Variants in ENTPD2 observed in about 807,000 individuals in gnomAD.
The protein encoded by ENTPD2 is CD39 antigen-like 1.
Under a neutral mutation model 46.8 loss-of-function variants are expected in ENTPD2, and 48 were observed. The ratio of observed to expected loss-of-function variants is 1.03; its 90% CI spans 0.81 to 1.30. The LOEUF is 1.30. ENTPD2 is among the 50% of genes most tolerant of loss of function. ENTPD2 has a pLI of 0.00. For missense variants in ENTPD2, 707 were observed against 651.1 expected, an observed-to-expected ratio of 1.09 and a Z score of -0.93; for synonymous variants, 316 against 286.1, an observed-to-expected ratio of 1.10 and a Z score of -1.06.
rs377411787 is a variant in ENTPD2, at chr9:137,049,933, G to C, written c.1086C>G (p.Pro362=). ...VDFLRTSMGL[P]VATLQQLEAA... ...CCTCCAGCTGCTGCAGGGTGGCCAC[G>C]GGCAGCCCCATCGAAGTCCGCAAAA... Residue 362 remains proline (P), a synonymous_variant, in exon 7 of 9, where the codon CCC becomes CCG. Transcript: ENST00000355097. The C allele has an allele frequency of 2.5e-6, 4 of 1,612,420 alleles. No individual in the cohort carries two copies. Among genetic ancestry groups the C allele is most frequent in the African/African-American group, 1.3e-5 (1 of 74,912 alleles).
At chr9:137,051,805 A>G (rs1832304402) in intron 2 of ENTPD2, 145 bp from the exon 3 acceptor site, 1 of 1,304,758 alleles carries the variant, frequency 7.7e-7, no homozygotes, top group Non-Finnish European at 1.0e-6. Context: ...AGAAACGCCC[A>G]GGTTGGAGAC....
In ENTPD2 at chr9:137,048,943, T is replaced by A. The variant is rs758385044; in HGVS notation, c.1282A>T (p.Lys428Ter). ...CGCCCCGCCCCGCCCCAGCCCACCT[T>A]CTTCTGGAAGATCACGCCGCCGAAG... The part of the protein sequence containing the change: ...RAFGGVIFQK[K>*]AADTAVGWAL... Residue 428 changes from lysine (K) to a stop codon, truncating the protein, a stop_gained and splice_region_variant, in exon 8 of 9, where the codon AAG becomes TAG. Transcript: ENST00000355097. LOFTEE classifies it low-confidence loss of function (END_TRUNC). 152 of 1,479,684 alleles carry A rather than the reference T, an allele frequency of 1.0e-4. 1 individual carries two copies. Among genetic ancestry groups the A allele is most frequent in the Non-Finnish European group, 1.4e-4 (149 of 1,097,994 alleles). 91.7% of individuals were successfully genotyped at this position (1,479,684 alleles called of 1,614,324 possible).
Position 137,048,673 on chromosome 9 carries a change from A to G in ENTPD2, c.1472T>C (p.Leu491Pro), listed in dbSNP as rs951121034. 5.6e-6 allele frequency: 9 copies of G among 1,597,842 alleles called. No homozygotes were observed. Among genetic ancestry groups the G allele is most frequent in the Non-Finnish European group, 6.8e-6 (8 of 1,173,502 alleles). The stretch of plus-strand genomic sequence containing the variant: ...CGTCGGCCCCTAAATGGTGCTTGGC[A>G]GCTTGGCGGAGTGCACCTGACGCAG... ...LLLRQVHSAKLPSTI is the reference protein window; with the variant it reads ...LLLRQVHSAKPPSTI The change falls in exon 9 of 9, where the codon CTG (leucine) becomes CCG (proline). Residue 491 changes from leucine to proline, a missense_variant. Coordinates refer to ENST00000355097, the MANE Select transcript of ENTPD2 (RefSeq NM_203468.3).
In ENTPD2 at chr9:137,051,114, G is replaced by A. The variant is rs770323046; in HGVS notation, c.562C>T (p.Arg188Trp). ...GTCCCCTTCCGTGGCCGGAACCACC[G>A]GCCCACCCAGCCGTACTGTGGAGAG... ...ENFIKYGWVGRWFRPRKGTLG... is the reference protein window; with the variant it reads ...ENFIKYGWVGWWFRPRKGTLG... Residue 188 changes from arginine to tryptophan, a missense_variant, in exon 5 of 9, where the codon CGG (arginine) becomes TGG (tryptophan). By Grantham distance (101) the Arg-to-Trp change is moderately radical. Transcript: ENST00000355097. The A allele has an allele frequency of 8.1e-6, 13 of 1,612,666 alleles. No homozygotes were observed. The highest frequency in any genetic ancestry group is 5.0e-5 in the Admixed American group (3 of 60,002).
intron 1 of ENTPD2, chr9:137,052,604 C>T: frequency 5.6e-6 from 2 of 358,038 alleles, no homozygotes; most frequent in South Asian, 4.0e-5. Flanking sequence ...TGGGCAGCAG[C>T]CTTCCTGGCA....
chr9:137,050,949 A>G lies in ENTPD2; in HGVS notation c.727T>C (p.Tyr243His). 1 of 1,612,648 alleles carries G rather than the reference A, an allele frequency of 6.2e-7. No homozygotes were observed. The highest frequency in any genetic ancestry group is 1.1e-5 in the South Asian group (1 of 91,082). ...CTCTGGAGGACCTGGTCACGGCCAT[A>G]GCAGAGGAAGCTGTGGGTGTAGACT... ...YRVYTHSFLC[Y>H]GRDQVLQRLL... The change falls in exon 5 of 9, where the codon TAT becomes CAT. Residue 243 changes from tyrosine (Y) to histidine (H), a missense_variant. By Grantham distance (83) the Tyr-to-His change is moderately conservative. Transcript: ENST00000355097.
At position 137,051,758 on chromosome 9, in the gene ENTPD2, C is replaced by T. The variant is rs970789533; in HGVS notation, c.236-98G>A. On this transcript the variant is annotated intron_variant, in intron 2 of 8. Transcript: ENST00000355097. Reference sequence around the variant, plus strand: ...GGGTGGGGGTGGGGGCCGTGGGCTCCCAGACCAGGTGGCACACCTTCCCTG... The same window carrying T: ...GGGTGGGGGTGGGGGCCGTGGGCTCTCAGACCAGGTGGCACACCTTCCCTG... The T allele has an allele frequency of 2.6e-5, 38 of 1,452,174 alleles. No individual in the cohort carries two copies. The African/African-American group carries it at 4.3e-4, about 16-fold the overall frequency. 90.0% of individuals were successfully genotyped at this position (1,452,174 alleles called of 1,614,324 possible).
chr9:137,051,595 C>G lies in ENTPD2; in HGVS notation c.301G>C (p.Glu101Gln), dbSNP rs150545300. The G allele has an allele frequency of 1.9e-6, 3 of 1,612,756 alleles. No individual in the cohort carries two copies. The highest frequency in any genetic ancestry group is 1.7e-6 in the Non-Finnish European group (2 of 1,179,926). The change falls in exon 3 of 9, where the codon GAA (glutamate) becomes CAA (glutamine). Residue 101 changes from glutamate (E) to glutamine (Q), a missense_variant. By Grantham distance (29) the Glu-to-Gln change is conservative. Coordinates refer to ENST00000355097, the MANE Select transcript of ENTPD2 (RefSeq NM_203468.3). ...GASQSLVGCL[E>Q]QALQDVPKER... ...TTGGGCACATCCTGAAGCGCCTGTT[C>G]GAGGCATCCAACAAGACTCTGGCTG...
chr9:137,049,405 G>A (rs1564251290), intron 7 of ENTPD2: 12 of 580,186 alleles, frequency 2.1e-5, no homozygotes, highest in Middle Eastern at 4.3e-4. Context: ...GAGTCTGCCC[G>A]CTGGCTCGCC....
At chr9:137,052,429 C>G in intron 1 of ENTPD2, 81 bp from the exon 2 acceptor site, 1 of 1,184,144 alleles carries the variant, frequency 8.4e-7, no homozygotes, top group Non-Finnish European at 1.2e-6. Context: ...TTGGGTTCCT[C>G]CAGTTTGCCA....
chr9:137,049,252 C>A, intron 7 of ENTPD2, 177 bp from the exon 8 acceptor site: 1 of 1,071,020 alleles, frequency 9.3e-7, no homozygotes. Flanking sequence ...GGGGCACCCC[C>A]GGCAGGGCAC....
At chr9:137,051,188 C>T in intron 4 of ENTPD2, 23 bp downstream of exon 4, 1 of 1,612,026 alleles carries the variant, frequency 6.2e-7, no homozygotes, top group East Asian at 2.2e-5. Context: ...CCCCCTGGCT[C>T]TTTGGCTGGC....
rs554571357 is a variant in ENTPD2 at position 137,052,358 on chromosome 9, AG to A, written c.118-11del. ...CCAGGACGATGCCATACTGCGGGGG[AG>A]GGGGAGGGAGTCAGCCTGGGGTGTC... is the stretch of plus-strand genomic sequence containing the variant. On this transcript the variant is annotated splice_polypyrimidine_tract_variant and intron_variant, in intron 1 of 8. Coordinates refer to ENST00000355097, the MANE Select transcript of ENTPD2 (RefSeq NM_203468.3). The A allele has an allele frequency of 1.2e-4, 109 of 906,518 alleles. 4 individuals carry two copies. In the Admixed American group the frequency reaches 1.7e-3, roughly 14 times the overall value. 56.2% of individuals were successfully genotyped at this position (906,518 alleles called of 1,614,324 possible).
rs1432584512 is a variant in ENTPD2 at position 137,048,636 on chromosome 9, G to A, written c.*21C>T. On this transcript the variant is annotated 3_prime_UTR_variant, in exon 9 of 9. Coordinates refer to ENST00000355097, the MANE Select transcript of ENTPD2 (RefSeq NM_203468.3). ...GATACAGGGGTTGGGGGAGGGATGG[G>A]GCAGCTGCCCCCGTCGGCCCCTAAA... 1.3e-6 allele frequency: 2 copies of A among 1,547,232 alleles called. No homozygotes were observed. The highest frequency in any genetic ancestry group is 2.7e-5 in the African/African-American group (2 of 73,268).
rs756748898 is a variant in ENTPD2 at position 137,048,976 on chromosome 9, C to T, written c.1249G>A (p.Glu417Lys). The change falls in exon 8 of 9, where the codon GAG (glutamate) becomes AAG (lysine). Residue 417 changes from glutamate to lysine, a missense_variant. Transcript: ENST00000355097. ...QLLSRGYGFD[E>K]RAFGGVIFQK... ...AAGATCACGCCGCCGAAGGCGCGCT[C>T]GTCGAAGCCGTAGCCGCGACTCAGC... The T allele has an allele frequency of 3.3e-6, 5 of 1,536,238 alleles. No individual in the cohort carries two copies. The highest frequency in any genetic ancestry group is 2.5e-5 in the East Asian group (1 of 40,540).
At position 137,052,541 on chromosome 9, in the gene ENTPD2, G is replaced by A. The variant is rs538520078; in HGVS notation, c.118-193C>T. The A allele has an allele frequency of 5.7e-6, 3 of 525,462 alleles. No homozygotes were observed. The South Asian group carries it at 7.1e-5, about 12-fold the overall frequency. 32.5% of individuals were successfully genotyped at this position (525,462 alleles called of 1,614,324 possible). On this transcript the variant is annotated intron_variant, in intron 1 of 8. Coordinates refer to ENST00000355097, the MANE Select transcript of ENTPD2 (RefSeq NM_203468.3). ...GTGGTTGGAAGGAGAACAGGGAGGT[G>A]GTGGGGAGGTGACTCTTCCCTCCTG...
intron 8 of ENTPD2, 23 bp downstream of exon 8, chr9:137,048,918 C>CGCCCCGCCCCGCCCCA: frequency 6.7e-7 from 1 of 1,488,166 alleles, no homozygotes; most frequent in Non-Finnish European, 8.9e-7. Context: ...AGGTCGGCCC[C>CGCCCCGCCCCGCCCCA]GCCCCGCCCC....
chr9:137,051,759 C>T, intron 2 of ENTPD2, 99 bp from the exon 3 acceptor site: 1 of 1,449,834 alleles, frequency 6.9e-7, no homozygotes, highest in Middle Eastern at 2.5e-4. Context: ...CGTGGGCTCC[C>T]AGACCAGGTG....
Position 137,053,613 on chromosome 9 carries a change from G to A in ENTPD2, c.117+268C>T, listed in dbSNP as rs538116090. On this transcript the variant is annotated intron_variant, in intron 1 of 8. Coordinates refer to ENST00000355097, the MANE Select transcript of ENTPD2 (RefSeq NM_203468.3). The stretch of plus-strand genomic sequence containing the variant: ...AGCGGGGACACAGCCCCTGGGCTGC[G>A]TTGACGGACTCGGCGGCGGGCGCGG... 7.9e-5 allele frequency among the ~76,000 whole-genome samples: 12 copies of A among 152,338 alleles called. No individual in the cohort carries two copies. In the East Asian group the frequency reaches 2.3e-3, roughly 29 times the overall value.
Sources: allele counts gnomAD v4.1 joint callset (sites outside exome capture counted in the v4.1 genomes callset), GRCh38; gene constraint gnomAD v4.1.1; transcripts MANE v1.5; gene names NCBI Gene and HGNC (gene_info 2026-07-23, HGNC 2026-07-21).